The following SDK1 variants were observed in gnomAD, a reference collection of about 807,000 sequenced individuals.
The protein encoded by SDK1 is protein sidekick-1.
A neutral mutation model predicts 245.5 loss-of-function variants in SDK1; 157 were observed. The observed-to-expected ratio is 0.64, with a 90% CI of 0.56 to 0.73. The LOEUF (loss-of-function observed/expected upper bound fraction) is 0.73. Among genes scored for constraint, SDK1 ranks in the 30% least tolerant of loss-of-function variants. The pLI is 0.00. For synonymous variants in SDK1, 1,647 were observed against 1,278.5 expected, an observed-to-expected ratio of 1.29 and a Z score of -6.15; for missense variants, 3,583 against 3,002.3, an observed-to-expected ratio of 1.19 and a Z score of -4.52.
chr7:3,576,027 G>A (rs759603977), intron 1 of SDK1, among the ~76,000 whole-genome samples: 1 of 151,848 alleles, frequency 6.6e-6, no homozygotes, highest in Non-Finnish European at 1.5e-5. Context: ...ATGTTCAAAA[G>A]GTAAAGAAAC....
intron 1 of SDK1, among the ~76,000 whole-genome samples, chr7:3,426,504 G>T (rs1262132712): frequency 6.6e-6 from 1 of 152,182 alleles, no homozygotes; most frequent in African/African-American, 2.4e-5. Context: ...GCTACCCTCT[G>T]AAGTTGTTAG....
chr7:3,651,064 G>A (rs1782998637), intron 4 of SDK1, among the ~76,000 whole-genome samples: 1 of 149,000 alleles, frequency 6.7e-6, no homozygotes. Flanking sequence ...ACTTCATTGT[G>A]TTCATACACA....
chr7:3,456,224 C>T (rs1467474312), intron 1 of SDK1, among the ~76,000 whole-genome samples: 2 of 152,150 alleles, frequency 1.3e-5, no homozygotes, highest in Non-Finnish European at 2.9e-5. Context: ...TTGGGCTTCA[C>T]TCAGCTTCTT....
At chr7:3,451,392 G>A (rs1019839217) in intron 1 of SDK1, among the ~76,000 whole-genome samples, 3 of 152,042 alleles carry the variant, frequency 2.0e-5, no homozygotes, top group African/African-American at 4.8e-5. Context: ...GAATAGCTGC[G>A]TTTTTGTTTG....
intron 4 of SDK1, among the ~76,000 whole-genome samples, chr7:3,742,184 T>A (rs990505867): frequency 6.6e-6 from 1 of 151,232 alleles, no homozygotes; most frequent in Non-Finnish European, 1.5e-5. Context: ...TTCCCTTTCC[T>A]CCCCAATGTT....
chr7:4,066,828 A>G (rs1004533652), intron 19 of SDK1, among the ~76,000 whole-genome samples: 8 of 152,232 alleles, frequency 5.3e-5, no homozygotes, highest in Non-Finnish European at 1.2e-4. Flanking sequence ...CAGGTGGTCC[A>G]TCTGCATGTG....
chr7:4,245,662 G>A lies in SDK1; in HGVS notation c.6252-14G>A, dbSNP rs1786801787. 1 of 1,613,144 alleles carries A rather than the reference G, an allele frequency of 6.2e-7. No individual in the cohort carries two copies. Among genetic ancestry groups the A allele is most frequent in the South Asian group, 1.1e-5 (1 of 91,020 alleles). On this transcript the variant is annotated splice_polypyrimidine_tract_variant and intron_variant, in intron 43 of 44. Coordinates refer to ENST00000404826, the MANE Select transcript of SDK1 (RefSeq NM_152744.4). Reference sequence around the variant, plus strand: ...TTGCCCAGAGGGTAATTGCAGCATGGGTCCTCATCCTAGGTCCCCACCCCG... The same window carrying A: ...TTGCCCAGAGGGTAATTGCAGCATGAGTCCTCATCCTAGGTCCCCACCCCG...
chr7:3,395,530 ACTT>A (rs1410267170), intron 1 of SDK1, among the ~76,000 whole-genome samples: 3 of 151,770 alleles, frequency 2.0e-5, no homozygotes, highest in Non-Finnish European at 4.4e-5. Flanking sequence ...TCTTAAATCT[ACTT>A]CTTATACTTC....
intron 18 of SDK1, 94 bp from the exon 19 acceptor site, chr7:4,051,544 C>G (rs959010895): frequency 8.1e-6 from 9 of 1,114,400 alleles, no homozygotes; most frequent in Admixed American, 5.4e-5. Flanking sequence ...TATGACTTTA[C>G]ATTTTAAAAG....
At chr7:3,863,129 C>T (rs1221400453) in intron 5 of SDK1, among the ~76,000 whole-genome samples, 5 of 152,164 alleles carry the variant, frequency 3.3e-5, no homozygotes, top group Non-Finnish European at 1.5e-5. Context: ...AAACCCTCAG[C>T]CTGGTTCCTG....
At chr7:3,375,805 C>G (rs1476019439) in intron 1 of SDK1, among the ~76,000 whole-genome samples, 2 of 152,180 alleles carry the variant, frequency 1.3e-5, no homozygotes, top group African/African-American at 4.8e-5. Context: ...TGCCTGCAAC[C>G]TCATGTGGAT....
intron 13 of SDK1, among the ~76,000 whole-genome samples, chr7:3,982,787 C>G (rs974172744): frequency 6.6e-6 from 1 of 151,530 alleles, no homozygotes; most frequent in African/African-American, 2.4e-5. Context: ...TTGCAGTGAG[C>G]TGAGATCGTG....
intron 17 of SDK1, among the ~76,000 whole-genome samples, chr7:4,040,581 G>A (rs756611660): frequency 6.6e-5 from 10 of 152,104 alleles, no homozygotes; most frequent in African/African-American, 2.2e-4. Flanking sequence ...TTTCCAGTCC[G>A]CCACAAAATG....
chr7:3,990,284 G>A (rs1315264528), intron 14 of SDK1, among the ~76,000 whole-genome samples: 1 of 152,182 alleles, frequency 6.6e-6, no homozygotes, highest in East Asian at 1.9e-4. Flanking sequence ...TCTCCCCCTT[G>A]CAGGGGCATC....
intron 24 of SDK1, 91 bp from the exon 25 acceptor site, chr7:4,113,946 G>A (rs938206504): frequency 2.1e-6 from 2 of 943,318 alleles, no homozygotes; most frequent in African/African-American, 1.6e-5. Flanking sequence ...CCTCCACGGA[G>A]TTGGCCTCAC....
chr7:4,144,549 C>T (rs905852757), intron 28 of SDK1, among the ~76,000 whole-genome samples: 6 of 151,730 alleles, frequency 4.0e-5, no homozygotes, highest in Admixed American at 1.3e-4. Context: ...TCCCAGATGG[C>T]GGGCTGGGGA....
chr7:4,251,042 G>C (rs542528696), intron 44 of SDK1, among the ~76,000 whole-genome samples: 1 of 152,148 alleles, frequency 6.6e-6, no homozygotes, highest in Non-Finnish European at 1.5e-5. Context: ...ATGTGGTTTT[G>C]TGATTGGCTT....
chr7:3,634,837 G>A (rs1195752900), intron 2 of SDK1, among the ~76,000 whole-genome samples: 1 of 152,140 alleles, frequency 6.6e-6, no homozygotes, highest in Non-Finnish European at 1.5e-5. Context: ...TCTGCTTCTT[G>A]TTTGAAAGCA....
intron 44 of SDK1, among the ~76,000 whole-genome samples, chr7:4,253,461 T>C (rs1418475916): frequency 1.3e-5 from 2 of 152,244 alleles, no homozygotes; most frequent in African/African-American, 2.4e-5. Context: ...CTGTTATTTA[T>C]TTCTAATTAT....
Sources: allele counts gnomAD v4.1 joint callset (sites outside exome capture counted in the v4.1 genomes callset), GRCh38; gene constraint gnomAD v4.1.1; transcripts MANE v1.5; gene names NCBI Gene and HGNC (gene_info 2026-07-23, HGNC 2026-07-21).